The following LPIN3 variants were observed in gnomAD, a reference collection of about 807,000 sequenced individuals.
LPIN3 encodes lipin 3.
LPIN3 carries 82 observed loss-of-function variants against 94.7 expected under a neutral mutation model. That is an observed-to-expected ratio of 0.87 (90% CI 0.72 to 1.04). The LOEUF is 1.04. LPIN3 is among the 50% of genes least tolerant of loss of function. The probability of loss-of-function intolerance (pLI) is 0.00; values close to 1 mark genes in which losing one functional copy is unlikely to be tolerated. For synonymous variants in LPIN3, 418 were observed against 443.3 expected (o/e 0.94, Z 0.72); for missense variants, 996 against 1,090.5 (o/e 0.91, Z 1.22).
chr20:41,357,044 G>A lies in LPIN3; in HGVS notation c.1808G>A (p.Arg603His), dbSNP rs376739657. The change falls in exon 15 of 20, where the codon CGC becomes CAC. Residue 603 changes from arginine (R) to histidine (H), a missense_variant. By Grantham distance (29) the Arg-to-His change is conservative. Coordinates refer to ENST00000373257, the MANE Select transcript of LPIN3 (RefSeq NM_022896.3). The stretch of plus-strand genomic sequence containing the variant: ...CCCCCCTTTGTCTGGCCTCAGCGGC[G>A]CCTGAACCTGCAAGAAGGTGCCAAT... Reference protein sequence around the residue: ...SLRLSSDQIRRLNLQEGANDV... With the variant: ...SLRLSSDQIRHLNLQEGANDV... The A allele has an allele frequency of 1.7e-5, 28 of 1,612,210 alleles. No individual in the cohort carries two copies. In the East Asian group the frequency reaches 2.2e-4, roughly 13 times the overall value.
Position 41,345,906 on chromosome 20 carries a change from G to A in LPIN3, c.103G>A (p.Val35Met), listed in dbSNP as rs2045754074. The A allele has an allele frequency of 1.2e-5, 20 of 1,614,206 alleles. No homozygotes were observed. Among genetic ancestry groups the A allele is most frequent in the Non-Finnish European group, 1.6e-5 (19 of 1,180,046 alleles). ...ACTGAGCGGCGGCATTGACGTGCTG[G>A]TGGTGAAGCAGGTGGACGGCTCGTT... ...ATLSGGIDVL[V>M]VKQVDGSFRC... Residue 35 changes from valine to methionine, a missense_variant, in exon 2 of 20, where the codon GTG (valine) becomes ATG (methionine). By Grantham distance (21) the Val-to-Met change is conservative (BLOSUM62 1). Coordinates refer to ENST00000373257, the MANE Select transcript of LPIN3 (RefSeq NM_022896.3).
At position 41,355,968 on chromosome 20, in the gene LPIN3, GCCACCCTCCACT is replaced by G. The variant is rs758673964; in HGVS notation, c.1752_1763del (p.Pro585_Pro588del). On this transcript the variant is annotated inframe_deletion, in exon 14 of 20. Coordinates refer to ENST00000373257, the MANE Select transcript of LPIN3 (RefSeq NM_022896.3). Reference sequence around the variant, plus strand: ...CTGTGATCCTGGAGATCCCCTCCTTGCCACCCTCCACTCCACCCTCCACTCCTACCTACAAGA... The same window carrying G: ...CTGTGATCCTGGAGATCCCCTCCTTGCCACCCTCCACTCCTACCTACAAGA... 63 of 1,613,910 alleles carry G rather than the reference GCCACCCTCCACT, an allele frequency of 3.9e-5. No homozygotes were observed. Among genetic ancestry groups the G allele is most frequent in the Middle Eastern group, 3.3e-4 (2 of 6,082 alleles).
In LPIN3 at chr20:41,358,952, C is replaced by A; in HGVS notation, c.*86C>A. On this transcript the variant is annotated 3_prime_UTR_variant, in exon 20 of 20. Transcript: ENST00000373257. ...TATAGGAGGGTGGGAATTGGAGTGT[C>A]ATGGGGCAAACCCACTGAAGGGGAA... is the stretch of plus-strand genomic sequence containing the variant. 1 of 1,518,594 alleles carries A rather than the reference C, an allele frequency of 6.6e-7. No homozygotes were observed. Among genetic ancestry groups the A allele is most frequent in the South Asian group, 1.3e-5 (1 of 78,760 alleles). The allele number at this position is 1,518,594 out of a possible 1,614,324, so 94.1% of individuals were successfully genotyped here.
intron 4 of LPIN3, 54 bp downstream of exon 4, chr20:41,348,941 C>T (rs2045894757): frequency 2.5e-6 from 4 of 1,586,804 alleles, no homozygotes; most frequent in East Asian, 2.3e-5. Context: ...AGTGCTGTTT[C>T]CTCTGCTCAT....
rs919098400 is a variant in LPIN3, at chr20:41,351,916, C to CA, written c.1201dup (p.Ser401LysfsTer2). On this transcript the variant is annotated frameshift_variant, in exon 8 of 20. Transcript: ENST00000373257. LOFTEE classifies it high-confidence loss of function. ...TGAGAATGCAGCGCTTTACTTCCCC[C>CA]AAAGGTGCCTGGGTTCTGGATGCCA... 3 of 1,614,108 alleles carry CA rather than the reference C, an allele frequency of 1.9e-6. No individual in the cohort carries two copies. The African/African-American group carries it at 4.0e-5, about 22-fold the overall frequency.
In LPIN3 at chr20:41,348,843, G is replaced by T; in HGVS notation, c.513G>T (p.Glu171Asp). 6.2e-7 allele frequency: 1 copy of T among 1,608,994 alleles called. No individual in the cohort carries two copies. Residue 171 changes from glutamate (E) to aspartate (D), a missense_variant, in exon 4 of 20, where the codon GAG becomes GAT. Coordinates refer to ENST00000373257, the MANE Select transcript of LPIN3 (RefSeq NM_022896.3). ...CAGAGGAACTGGAGGCAGGCGCTGAGAGTGAGCTATCCCTGCCGGAAAAGC... is the reference window on the plus strand; with the variant it reads ...CAGAGGAACTGGAGGCAGGCGCTGATAGTGAGCTATCCCTGCCGGAAAAGC... ...SSPEELEAGA[E>D]SELSLPEKLR... is the part of the protein sequence containing the mutation.
Position 41,360,479 on chromosome 20 carries a change from C to T in LPIN3, c.*1613C>T, listed in dbSNP as rs1180244003. On this transcript the variant is annotated 3_prime_UTR_variant, in exon 20 of 20. Transcript: ENST00000373257. ...AAAGGATAAATTTGGAGTGGGGGGT[C>T]TCTAAACAGATTGCCTGGATTCCGT... 1 of 152,742 alleles carries T rather than the reference C, an allele frequency of 6.5e-6. No individual in the cohort carries two copies. The highest frequency in any genetic ancestry group is 1.5e-5 in the Non-Finnish European group (1 of 68,136). The allele number at this position is 152,742 out of a possible 1,614,324, so 9.5% of individuals were successfully genotyped here.
chr20:41,353,280 A>G (rs1008680699), intron 11 of LPIN3, among the ~76,000 whole-genome samples: 2 of 152,236 alleles, frequency 1.3e-5, no homozygotes, highest in Non-Finnish European at 2.9e-5. Flanking sequence ...GGCTGGGCTG[A>G]AGGGTGCTTA....
At chr20:41,347,369 G>A (rs1169681089) in intron 2 of LPIN3, among the ~76,000 whole-genome samples, 183 bp from the exon 3 acceptor site, 1 of 152,200 alleles carries the variant, frequency 6.6e-6, no homozygotes, top group African/African-American at 2.4e-5. Context: ...CTCTGAGGAA[G>A]GGGAGATGCA....
At chr20:41,355,450 G>C (rs752790021) in intron 13 of LPIN3, among the ~76,000 whole-genome samples, 39 of 152,292 alleles carry the variant, frequency 2.6e-4, no homozygotes, top group Admixed American at 4.6e-4. Context: ...CAGACAAGGG[G>C]ATCCCTATTA....
rs1489344186 is a variant in LPIN3 at position 41,348,630 on chromosome 20, TC to T, written c.303del (p.Gly102AlafsTer79). Reference protein sequence around the residue: ...ELESDDEHVPPGLCTSPIPWG... With the variant: ...ELESDDEHVPXGLCTSPIPWG... ...GGTCTGTTCCACAGGAACATGTGCC[TC>T]CCGGCCTGTGCACCTCACCCATCCC... is the stretch of plus-strand genomic sequence containing the variant. On this transcript the variant is annotated frameshift_variant, in exon 4 of 20. Coordinates refer to ENST00000373257, the MANE Select transcript of LPIN3 (RefSeq NM_022896.3). LOFTEE classifies it high-confidence loss of function. 1 of 1,610,354 alleles carries T rather than the reference TC, an allele frequency of 6.2e-7. No homozygotes were observed. Among genetic ancestry groups the T allele is most frequent in the Admixed American group, 1.7e-5 (1 of 59,910 alleles).
At position 41,358,754 on chromosome 20, in the gene LPIN3, T is replaced by C. The variant is rs764038949; in HGVS notation, c.2444T>C (p.Leu815Pro). ...YERLGEVVEL[L>P]FPPVARGPST... ...CGGCTTGGTGAAGTGGTCGAGCTCC[T>C]CTTCCCACCTGTGGCCCGTGGCCCC... is the stretch of plus-strand genomic sequence containing the variant. The change falls in exon 20 of 20, where the codon CTC (leucine) becomes CCC (proline). Residue 815 changes from leucine (L) to proline (P), a missense_variant. Coordinates refer to ENST00000373257, the MANE Select transcript of LPIN3 (RefSeq NM_022896.3). 8.1e-6 allele frequency: 13 copies of C among 1,612,924 alleles called. No homozygotes were observed. The highest frequency in any genetic ancestry group is 1.3e-5 in the African/African-American group (1 of 74,916).
chr20:41,345,779 C>T lies in LPIN3; in HGVS notation c.-8-17C>T. The stretch of plus-strand genomic sequence containing the variant: ...CTGGAGCAGACCTTTGTGCAAGCCA[C>T]TGCCTTTCTTTGCCAGCACCAGCCA... On this transcript the variant is annotated splice_polypyrimidine_tract_variant and intron_variant, in intron 1 of 19. Coordinates refer to ENST00000373257, the MANE Select transcript of LPIN3 (RefSeq NM_022896.3). 6.3e-7 allele frequency: 1 copy of T among 1,598,148 alleles called. No individual in the cohort carries two copies. Among genetic ancestry groups the T allele is most frequent in the African/African-American group, 1.3e-5 (1 of 74,830 alleles).
Position 41,360,116 on chromosome 20 carries a change from G to C in LPIN3, c.*1250G>C, listed in dbSNP as rs1169332551. ...CCGTGCTGCTGTGGGGGAAACTGAGGCTGGGAGCCTCAGCAGAGACCGGTG... is the reference window on the plus strand; with the variant it reads ...CCGTGCTGCTGTGGGGGAAACTGAGCCTGGGAGCCTCAGCAGAGACCGGTG... On this transcript the variant is annotated 3_prime_UTR_variant, in exon 20 of 20. Coordinates refer to ENST00000373257, the MANE Select transcript of LPIN3 (RefSeq NM_022896.3). The C allele has an allele frequency of 2.6e-5, 4 of 152,628 alleles. No individual in the cohort carries two copies. 9.5% of individuals were successfully genotyped at this position (152,628 alleles called of 1,614,324 possible).
At chr20:41,351,137 C>G (rs1159256671) in intron 7 of LPIN3, among the ~76,000 whole-genome samples, 1 of 151,508 alleles carries the variant, frequency 6.6e-6, no homozygotes, top group Non-Finnish European at 1.5e-5. Context: ...CCTGTAGTCC[C>G]AACTACTGAG....
chr20:41,358,977 A>G lies in LPIN3; in HGVS notation c.*111A>G. The G allele has an allele frequency of 7.3e-7, 1 of 1,371,570 alleles. No individual in the cohort carries two copies. Among genetic ancestry groups the G allele is most frequent in the Admixed American group, 2.2e-5 (1 of 44,966 alleles). 85.0% of individuals were successfully genotyped at this position (1,371,570 alleles called of 1,614,324 possible). On this transcript the variant is annotated 3_prime_UTR_variant, in exon 20 of 20. Coordinates refer to ENST00000373257, the MANE Select transcript of LPIN3 (RefSeq NM_022896.3). ...CATGGGGCAAACCCACTGAAGGGGAAGGAGGAGGCTGCAGGTTGGTTGGCA... is the reference window on the plus strand; with the variant it reads ...CATGGGGCAAACCCACTGAAGGGGAGGGAGGAGGCTGCAGGTTGGTTGGCA...
rs141757517 is a variant in LPIN3, at chr20:41,347,644, T to A, written c.285T>A (p.Asp95Glu). 2,011 of 1,613,126 alleles carry A rather than the reference T, an allele frequency of 1.2e-3. 17 individuals are homozygous for A. The highest frequency in any genetic ancestry group is 8.7e-3 in the South Asian group (792 of 90,922). ...EAFFVQELES[D>E]DEHVPPGLCT... ...TCTTTGTTCAGGAGCTGGAGAGCGA[T>A]GATGTGAGTCTGCCCTCCTAACAGC... The change falls in exon 3 of 20, where the codon GAT becomes GAA. Residue 95 changes from aspartate (D) to glutamate (E), a missense_variant. Transcript: ENST00000373257.
In LPIN3 at chr20:41,352,815, TGGCTGCCCCC is replaced by T. The variant is rs2146977846; in HGVS notation, c.1476_1485del (p.Ala493Ter). On this transcript the variant is annotated frameshift_variant, in exon 11 of 20. Transcript: ENST00000373257. LOFTEE classifies it high-confidence loss of function. ...CTCTCTAGGCATTATAACTGGGCTG[TGGCTGCCCCC>T]ATGATCCTCTCCCTGCAAGCCTTCC... The T allele has an allele frequency of 6.2e-7, 1 of 1,614,256 alleles. No homozygotes were observed. The highest frequency in any genetic ancestry group is 2.2e-5 in the East Asian group (1 of 44,886).
chr20:41,358,900 G>A lies in LPIN3; in HGVS notation c.*34G>A, dbSNP rs1327972133. 6.2e-7 allele frequency: 1 copy of A among 1,611,004 alleles called. No homozygotes were observed. Among genetic ancestry groups the A allele is most frequent in the East Asian group, 2.2e-5 (1 of 44,852 alleles). Reference sequence around the variant, plus strand: ...TGGCTGGCTCCTCCTCCCTGGCCCGGCCCAGGACTGGCTAGGTGTCCTGGG... The same window carrying A: ...TGGCTGGCTCCTCCTCCCTGGCCCGACCCAGGACTGGCTAGGTGTCCTGGG... On this transcript the variant is annotated 3_prime_UTR_variant, in exon 20 of 20. Transcript: ENST00000373257.
Sources: gnomAD v4.1 joint callset for allele counts (sites outside exome capture counted in the v4.1 genomes callset) on GRCh38, gnomAD v4.1.1 for gene constraint, MANE v1.5 for transcripts, NCBI Gene and HGNC (gene_info 2026-07-23, HGNC 2026-07-21) for gene names.